Variants in ATP9B observed in about 807,000 individuals in gnomAD.
ATP9B encodes the protein ATPase phospholipid transporting 9B.
ATP9B carries 110 observed loss-of-function variants against 146.1 expected under a neutral mutation model. The observed-to-expected ratio is 0.75, with a 90% CI of 0.65 to 0.88. The LOEUF is 0.88. Ranked by LOEUF, ATP9B falls within the 40% of genes least tolerant of loss-of-function variation. ATP9B has a pLI of 0.00. For synonymous variants in ATP9B, 604 were observed against 569.7 expected, an observed-to-expected ratio of 1.06 and a Z score of -0.86; for missense variants, 1,499 against 1,496.4, an observed-to-expected ratio of 1.00 and a Z score of -0.03.
In ATP9B at chr18:79,329,964, G is replaced by A. The variant is rs1389092303; in HGVS notation, c.1936-48G>A. The A allele has an allele frequency of 1.0e-5, 16 of 1,536,886 alleles. 1 individual carries two copies. The highest frequency in any genetic ancestry group is 1.7e-4 in the Middle Eastern group (1 of 5,942). ...TATTAGACTAGCAGTTATTTGCCCC[G>A]AGCAATGCAGCCTAAATGTGCCTCT... On this transcript the variant is annotated intron_variant, in intron 16 of 29. Coordinates refer to ENST00000426216, the MANE Select transcript of ATP9B (RefSeq NM_198531.5).
chr18:79,339,615 C>T (rs573751212), intron 19 of ATP9B, among the ~76,000 whole-genome samples: 1 of 150,850 alleles, frequency 6.6e-6, no homozygotes, highest in Non-Finnish European at 1.5e-5. Context: ...GTGTCATGAT[C>T]GCAATAGGAA....
chr18:79,318,727 G>A (rs2096697091), intron 15 of ATP9B, among the ~76,000 whole-genome samples: 1 of 152,226 alleles, frequency 6.6e-6, no homozygotes, highest in African/African-American at 2.4e-5. Flanking sequence ...TAAAAGTTCA[G>A]ATATGTTTTA....
rs376707475 is a variant in ATP9B, at chr18:79,262,110, G to A, written c.1268+8569G>A. The stretch of plus-strand genomic sequence containing the variant: ...CTCAGCGTCTTCATCTGGACACCCC[G>A]CTCCCCTCCCTCCCTCCCTCCCCTT... On this transcript the variant is annotated intron_variant, in intron 12 of 29. Coordinates refer to ENST00000426216, the MANE Select transcript of ATP9B (RefSeq NM_198531.5). Among the ~76,000 whole-genome samples, 358 of 151,090 alleles carry A rather than the reference G, an allele frequency of 2.4e-3. 1 individual carries two copies. Among genetic ancestry groups the A allele is most frequent in the South Asian group, 6.5e-3 (31 of 4,782 alleles).
intron 13 of ATP9B, among the ~76,000 whole-genome samples, chr18:79,279,116 G>T (rs1406746160): frequency 1.3e-5 from 2 of 152,212 alleles, no homozygotes; most frequent in Non-Finnish European, 2.9e-5. Flanking sequence ...AGCGGCGCCT[G>T]TGAGAGCAGG....
intron 11 of ATP9B, among the ~76,000 whole-genome samples, chr18:79,227,316 C>T (rs1415019798): frequency 6.7e-6 from 1 of 149,110 alleles, no homozygotes; most frequent in Non-Finnish European, 1.5e-5. Context: ...GCTGGGCTTG[C>T]TCATGTGTAT....
At chr18:79,251,973 A>G (rs190451903) in intron 11 of ATP9B, among the ~76,000 whole-genome samples, 4 of 152,360 alleles carry the variant, frequency 2.6e-5, no homozygotes, top group Admixed American at 2.6e-4. Context: ...TAGGTAAGTT[A>G]AGTACATGCT....
At chr18:79,270,066 T>TG (rs1441492569) in intron 12 of ATP9B, among the ~76,000 whole-genome samples, 2 of 152,028 alleles carry the variant, frequency 1.3e-5, no homozygotes, top group Non-Finnish European at 2.9e-5. Context: ...CTGGGGGACT[T>TG]GCCGCTTGTC....
Position 79,252,655 on chromosome 18 carries a change from T to A in ATP9B, c.1108-726T>A, listed in dbSNP as rs143993977. Among the ~76,000 whole-genome samples the A allele has an allele frequency of 4.8e-4, 73 of 152,340 alleles. 1 individual carries two copies. Among genetic ancestry groups the A allele is most frequent in the South Asian group, 4.8e-3 (23 of 4,832 alleles). ...GCCAAAAAATTGAACTGATGCTTAT[T>A]GACATAATTTGCCCTCACAGTTTGC... On this transcript the variant is annotated intron_variant, in intron 11 of 29. Coordinates refer to ENST00000426216, the MANE Select transcript of ATP9B (RefSeq NM_198531.5).
At chr18:79,235,692 C>T (rs1222547942) in intron 11 of ATP9B, among the ~76,000 whole-genome samples, 1 of 151,738 alleles carries the variant, frequency 6.6e-6, no homozygotes, top group African/African-American at 2.4e-5. Flanking sequence ...CCCTCCTCAC[C>T]AAGGTGACCA....
At chr18:79,328,301 A>G (rs1317471409) in intron 15 of ATP9B, among the ~76,000 whole-genome samples, 1 of 152,234 alleles carries the variant, frequency 6.6e-6, no homozygotes, top group Non-Finnish European at 1.5e-5. Flanking sequence ...GCTTTTAAAG[A>G]CAGACTTTTA....
intron 5 of ATP9B, among the ~76,000 whole-genome samples, chr18:79,128,178 A>G (rs965850420): frequency 2.1e-5 from 3 of 139,940 alleles, no homozygotes; most frequent in Non-Finnish European, 3.1e-5. Flanking sequence ...TCCTGCCTCA[A>G]CCTCCCGAGA....
At chr18:79,140,664 C>T (rs1332953292) in intron 5 of ATP9B, among the ~76,000 whole-genome samples, 2 of 152,030 alleles carry the variant, frequency 1.3e-5, no homozygotes, top group Non-Finnish European at 2.9e-5. Context: ...GCTTGTAATC[C>T]AGCTACTTGG....
rs370647755 is a variant in ATP9B, at chr18:79,102,113, G to GT, written c.293+5472dup. Among the ~76,000 whole-genome samples, 510 of 151,684 alleles carry GT rather than the reference G, an allele frequency of 3.4e-3. 2 individuals carry two copies. Among genetic ancestry groups the GT allele is most frequent in the African/African-American group, 0.012 (491 of 41,376 alleles). ...GGTGCCCACCATCATGCCCGGCTAA[G>GT]TTTTTTTTGTGTATTTTGGTAGAGA... On this transcript the variant is annotated intron_variant, in intron 2 of 29. Coordinates refer to ENST00000426216, the MANE Select transcript of ATP9B (RefSeq NM_198531.5).
chr18:79,275,693 C>A (rs1427395451), intron 12 of ATP9B, among the ~76,000 whole-genome samples: 4 of 152,248 alleles, frequency 2.6e-5, no homozygotes, highest in Non-Finnish European at 5.9e-5. Flanking sequence ...CCGTCCTGCA[C>A]CAAGAGGCCA....
chr18:79,195,627 A>G (rs575497909), intron 9 of ATP9B, among the ~76,000 whole-genome samples: 2 of 152,336 alleles, frequency 1.3e-5, no homozygotes, highest in South Asian at 4.1e-4. Flanking sequence ...AATGGAATAA[A>G]TTTCTCAAGA....
In ATP9B at chr18:79,377,805, C is replaced by A; in HGVS notation, c.*422C>A. The A allele has an allele frequency of 5.7e-6, 1 of 175,812 alleles. No individual in the cohort carries two copies. Among genetic ancestry groups the A allele is most frequent in the South Asian group, 1.4e-4 (1 of 6,934 alleles). The allele number at this position is 175,812 out of a possible 1,614,324, so 10.9% of individuals were successfully genotyped here. On this transcript the variant is annotated 3_prime_UTR_variant, in exon 30 of 30. Transcript: ENST00000426216. Reference sequence around the variant, plus strand: ...GCCCAGGGCACAGATGCCGGGATGGCCCCTCCCTCTCAGTGCGGGAACGTC... The same window carrying A: ...GCCCAGGGCACAGATGCCGGGATGGACCCTCCCTCTCAGTGCGGGAACGTC...
intron 5 of ATP9B, among the ~76,000 whole-genome samples, chr18:79,128,176 C>T (rs1413393972): frequency 6.6e-6 from 1 of 150,626 alleles, no homozygotes; most frequent in Non-Finnish European, 1.5e-5. Flanking sequence ...TCTCCTGCCT[C>T]AACCTCCCGA....
chr18:79,123,127 G>A (rs2094217990), intron 4 of ATP9B, among the ~76,000 whole-genome samples: 1 of 152,084 alleles, frequency 6.6e-6, no homozygotes, highest in Admixed American at 6.6e-5. Flanking sequence ...AAAGAGGACT[G>A]TCTATCTCTA....
At chr18:79,117,980 A>G (rs2094117558) in intron 4 of ATP9B, 1 of 152,222 alleles carries the variant, frequency 6.6e-6, no homozygotes, top group African/African-American at 2.4e-5. Flanking sequence ...CTATTGCAAC[A>G]TACTTTTTTG....
Sources: allele counts gnomAD v4.1 joint callset (sites outside exome capture counted in the v4.1 genomes callset), GRCh38; gene constraint gnomAD v4.1.1; transcripts MANE v1.5; gene names NCBI Gene and HGNC (gene_info 2026-07-23, HGNC 2026-07-21).